ADD2: variants seen among roughly 807,000 people sequenced by gnomAD.
ADD2 encodes the protein beta-adducin.
In ADD2, 23 loss-of-function variants were observed where a neutral mutation model predicts 83.0. The ratio of observed to expected loss-of-function variants is 0.28; its 90% CI spans 0.20 to 0.39. The LOEUF (loss-of-function observed/expected upper bound fraction) is 0.39. Ranked by LOEUF, ADD2 falls within the 10% of genes least tolerant of loss-of-function variation. ADD2 has a pLI of 1.00. For synonymous variants in ADD2, 375 were observed against 375.4 expected, an observed-to-expected ratio of 1.00 and a Z score of 0.01; for missense variants, 758 against 944.9, an observed-to-expected ratio of 0.80 and a Z score of 2.59.
intron 15 of ADD2, among the ~76,000 whole-genome samples, chr2:70,667,553 G>A (rs1669693178): frequency 6.6e-6 from 1 of 152,168 alleles, no homozygotes; most frequent in Non-Finnish European, 1.5e-5. Context: ...GCTTGACTGG[G>A]TAAGGGATGC....
chr2:70,679,915 T>A (rs1201249721), intron 10 of ADD2, among the ~76,000 whole-genome samples: 7 of 152,214 alleles, frequency 4.6e-5, no homozygotes, highest in Non-Finnish European at 8.8e-5. Context: ...ATGTTTCTGT[T>A]TTTCACATTG....
In ADD2 at chr2:70,677,327, C is replaced by T. The variant is rs62149788; in HGVS notation, c.1503+431G>A. ...GGGTATCCGGGTCCACACACTGCCA[C>T]ACTATCCTGTGAGCGATCTGATCTG... On this transcript the variant is annotated intron_variant, in intron 12 of 15. Coordinates refer to ENST00000264436, the MANE Select transcript of ADD2 (RefSeq NM_001617.4). Among the ~76,000 whole-genome samples the T allele has an allele frequency of 1.1e-3, 172 of 152,258 alleles. 2 individuals carry two copies. The highest frequency in any genetic ancestry group is 2.2e-3 in the Non-Finnish European group (148 of 68,014).
At chr2:70,766,575 C>G (rs1387541321) in intron 1 of ADD2, among the ~76,000 whole-genome samples, 1 of 152,162 alleles carries the variant, frequency 6.6e-6, no homozygotes, top group Non-Finnish European at 1.5e-5. Context: ...TCTCTTAAAA[C>G]GGAACATAAT....
intron 8 of ADD2, 119 bp downstream of exon 8, chr2:70,690,667 C>T: frequency 8.2e-7 from 1 of 1,219,044 alleles, no homozygotes; most frequent in South Asian, 1.7e-5. Flanking sequence ...GGATAGAGAT[C>T]TTTCTTTTTT....
At chr2:70,737,182 C>T (rs571284664) in intron 1 of ADD2, among the ~76,000 whole-genome samples, 127 of 152,246 alleles carry the variant, frequency 8.3e-4, no homozygotes, top group Non-Finnish European at 1.1e-3. Context: ...CCTCAAGGAT[C>T]TAGAACTAGA....
intron 1 of ADD2, among the ~76,000 whole-genome samples, chr2:70,742,847 C>T (rs1267638337): frequency 6.6e-6 from 1 of 152,072 alleles, no homozygotes; most frequent in Non-Finnish European, 1.5e-5. Flanking sequence ...CCTGGCTATA[C>T]TTACATACAT....
Position 70,695,280 on chromosome 2 carries a change from T to C in ADD2, c.555+441A>G, listed in dbSNP as rs1671251215. 2.0e-5 allele frequency among the ~76,000 whole-genome samples: 3 copies of C among 152,254 alleles called. No individual in the cohort carries two copies. The South Asian group carries it at 6.2e-4, about 32-fold the overall frequency. On this transcript the variant is annotated intron_variant, in intron 6 of 15. Transcript: ENST00000264436. ...GAAATATTTCCTGAACTAAAGCAAC[T>C]TTTGCAAGCCTCTACCTCATCTAAA... is the stretch of plus-strand genomic sequence containing the variant.
At chr2:70,740,569 G>A (rs1673830975) in intron 1 of ADD2, among the ~76,000 whole-genome samples, 1 of 152,276 alleles carries the variant, frequency 6.6e-6, no homozygotes, top group South Asian at 2.1e-4. Flanking sequence ...TTCATTCTAG[G>A]AGAAGCATCA....
At chr2:70,702,041 T>A (rs1279098015) in intron 4 of ADD2, among the ~76,000 whole-genome samples, 2 of 152,220 alleles carry the variant, frequency 1.3e-5, no homozygotes, top group African/African-American at 4.8e-5. Flanking sequence ...CATTCTAATA[T>A]AAAATTATAA....
intron 1 of ADD2, among the ~76,000 whole-genome samples, chr2:70,728,245 GC>G (rs1481502434): frequency 6.6e-6 from 1 of 152,184 alleles, no homozygotes. Context: ...GCCTATATGT[GC>G]TCTCTTTCCC....
At chr2:70,715,952 C>T (rs1203787531) in intron 1 of ADD2, among the ~76,000 whole-genome samples, 1 of 152,206 alleles carries the variant, frequency 6.6e-6, no homozygotes, top group Non-Finnish European at 1.5e-5. Flanking sequence ...GGTCCACAGT[C>T]CTTCCTGGCC....
chr2:70,698,250 C>T (rs1243582035), intron 4 of ADD2, among the ~76,000 whole-genome samples: 1 of 152,176 alleles, frequency 6.6e-6, no homozygotes, highest in Non-Finnish European at 1.5e-5. Context: ...GGGGCCAGAA[C>T]AGGTCTGAAA....
In ADD2 at chr2:70,706,577, T is replaced by C. The variant is rs372474460; in HGVS notation, c.-34-135A>G. The stretch of plus-strand genomic sequence containing the variant: ...TTCCTAGGATGGTAGAGGCAGAGCC[T>C]GGGGAGGAGGGCAGGACGCCAGCAG... On this transcript the variant is annotated intron_variant, in intron 2 of 15. Coordinates refer to ENST00000264436, the MANE Select transcript of ADD2 (RefSeq NM_001617.4). The surrounding 1 kb of genome is among the most constrained non-coding windows in gnomAD (Gnocchi z 5.0). 5 of 809,612 alleles carry C rather than the reference T, an allele frequency of 6.2e-6. No homozygotes were observed. The East Asian group carries it at 8.3e-5, about 13-fold the overall frequency. 50.2% of individuals were successfully genotyped at this position (809,612 alleles called of 1,614,324 possible). A position where few individuals can be genotyped will look rare whatever the true frequency, so the allele number is the denominator to read the frequency against.
At chr2:70,722,318 A>T (rs1410705773) in intron 1 of ADD2, among the ~76,000 whole-genome samples, 1 of 152,218 alleles carries the variant, frequency 6.6e-6, no homozygotes, top group Non-Finnish European at 1.5e-5. Flanking sequence ...AAAGAAAAAA[A>T]AAACATTGCT....
At chr2:70,688,223 C>G in intron 8 of ADD2, 101 bp from the exon 9 acceptor site, 1 of 860,034 alleles carries the variant, frequency 1.2e-6, no homozygotes. Context: ...CACAACCAAT[C>G]CCAGGGCCCC....
At chr2:70,720,313 G>A (rs1202602321) in intron 1 of ADD2, among the ~76,000 whole-genome samples, 3 of 152,150 alleles carry the variant, frequency 2.0e-5, no homozygotes, top group Non-Finnish European at 2.9e-5. Context: ...GGGAAGCAGA[G>A]GGAGTATGTT....
chr2:70,671,024 T>G (rs1669871246), intron 15 of ADD2, among the ~76,000 whole-genome samples: 1 of 152,212 alleles, frequency 6.6e-6, no homozygotes, highest in Non-Finnish European at 1.5e-5. Flanking sequence ...ATGCCCTTCC[T>G]GGCCCTTGTC....
intron 1 of ADD2, among the ~76,000 whole-genome samples, chr2:70,751,734 A>G (rs1160965416): frequency 7.2e-6 from 1 of 139,086 alleles, no homozygotes; most frequent in Non-Finnish European, 1.6e-5. Context: ...CATCTACTTG[A>G]CTATTTAGGT....
chr2:70,744,188 C>T (rs1553381561), intron 1 of ADD2, among the ~76,000 whole-genome samples: 3 of 151,924 alleles, frequency 2.0e-5, no homozygotes, highest in African/African-American at 7.3e-5. Flanking sequence ...TTGAATAAAC[C>T]CTATAGATTA....
Sources: gnomAD v4.1 joint callset for allele counts (sites outside exome capture counted in the v4.1 genomes callset) on GRCh38, gnomAD v4.1.1 for gene constraint, Gnocchi (gnomAD v3.1) non-coding constraint, MANE v1.5 for transcripts, NCBI Gene and HGNC (gene_info 2026-07-23, HGNC 2026-07-21) for gene names.